The following CCBE1 variants were observed in gnomAD, a reference collection of about 807,000 sequenced individuals.
CCBE1 encodes collagen and calcium binding EGF domains 1, also known as collagen and calcium-binding EGF domain-containing protein 1.
A neutral mutation model predicts 50.0 loss-of-function variants in CCBE1; 37 were observed. That is an observed-to-expected ratio of 0.74 (90% CI 0.57 to 0.97). The LOEUF (loss-of-function observed/expected upper bound fraction) is 0.97. CCBE1 is among the 50% of genes least tolerant of loss of function. The pLI, the probability that CCBE1 is intolerant of heterozygous loss-of-function variation, is 0.00. For synonymous variants in CCBE1, 234 were observed against 203.7 expected (o/e 1.15, Z -1.27); for missense variants, 538 against 523.8 (o/e 1.03, Z -0.26).
At chr18:59,635,342 A>G (rs956509421) in intron 2 of CCBE1, among the ~76,000 whole-genome samples, 1 of 152,218 alleles carries the variant, frequency 6.6e-6, no homozygotes, top group Non-Finnish European at 1.5e-5. Flanking sequence ...GTATGTCACC[A>G]TAGGACTTGC....
chr18:59,451,760 T>C (rs1910942883), intron 6 of CCBE1, among the ~76,000 whole-genome samples: 1 of 152,124 alleles, frequency 6.6e-6, no homozygotes, highest in East Asian at 1.9e-4. Flanking sequence ...TGGCACACAT[T>C]TACCTGTGTA....
intron 2 of CCBE1, among the ~76,000 whole-genome samples, chr18:59,483,317 C>A (rs1231736094): frequency 6.6e-6 from 1 of 152,160 alleles, no homozygotes; most frequent in Non-Finnish European, 1.5e-5. Context: ...GGTTGAGTAA[C>A]CCTCATCTGA....
intron 2 of CCBE1, among the ~76,000 whole-genome samples, chr18:59,556,030 T>C (rs2052651421): frequency 6.6e-6 from 1 of 152,186 alleles, no homozygotes; most frequent in South Asian, 2.1e-4. Context: ...TTTTTCAGGA[T>C]TCGTGCAGAA....
At chr18:59,648,316 C>T (rs796377151) in intron 2 of CCBE1, among the ~76,000 whole-genome samples, 48 of 152,352 alleles carry the variant, frequency 3.2e-4, no homozygotes, top group African/African-American at 1.1e-3. Context: ...GACCTGGATA[C>T]ATAAATGCTT....
chr18:59,568,181 T>C (rs2052858097), intron 2 of CCBE1: 1 of 151,856 alleles, frequency 6.6e-6, no homozygotes, highest in Non-Finnish European at 1.5e-5. Context: ...ATTTTTTTTT[T>C]TTTGGCAGAA....
chr18:59,445,832 T>C (rs1910643590), intron 7 of CCBE1, among the ~76,000 whole-genome samples: 1 of 152,150 alleles, frequency 6.6e-6, no homozygotes, highest in African/African-American at 2.4e-5. Context: ...TCAAGTGCCT[T>C]TGAAATGTGG....
intron 5 of CCBE1, among the ~76,000 whole-genome samples, chr18:59,456,477 G>A (rs996504571): frequency 1.3e-5 from 2 of 152,188 alleles, no homozygotes; most frequent in South Asian, 2.1e-4. Flanking sequence ...GAAGGCAGAG[G>A]TGAGAGGCAG....
intron 10 of CCBE1, among the ~76,000 whole-genome samples, chr18:59,436,666 C>T (rs1023555732): frequency 5.9e-5 from 9 of 152,222 alleles, no homozygotes; most frequent in South Asian, 2.1e-4. Flanking sequence ...GAGCATAATA[C>T]GTATTCAAAA....
intron 2 of CCBE1, among the ~76,000 whole-genome samples, chr18:59,652,290 G>A (rs1387250753): frequency 1.3e-5 from 2 of 152,110 alleles, no homozygotes; most frequent in Admixed American, 1.3e-4. Context: ...GAAAAACTCA[G>A]CCAACTCATG....
At chr18:59,516,062 G>A (rs1332227488) in intron 2 of CCBE1, among the ~76,000 whole-genome samples, 2 of 152,098 alleles carry the variant, frequency 1.3e-5, no homozygotes, top group African/African-American at 4.8e-5. Flanking sequence ...GGGTTCAAGC[G>A]ATTCTTTTGC....
rs75573338 is a variant in CCBE1 at position 59,594,127 on chromosome 18, A to C, written c.212+102502T>G. On this transcript the variant is annotated intron_variant, in intron 2 of 10. Transcript: ENST00000439986. ...TCTCTCTCCTTCTATGGTTCTTGCC[A>C]TCTTGGGGCCCCCAAAACCAAGGCA... is the stretch of plus-strand genomic sequence containing the variant. Among the ~76,000 whole-genome samples the C allele has an allele frequency of 1.0e-2, 1,523 of 152,330 alleles. 33 individuals are homozygous for C. The highest frequency in any genetic ancestry group is 0.036 in the African/African-American group (1,476 of 41,562).
At chr18:59,583,673 G>T (rs1000341252) in intron 2 of CCBE1, among the ~76,000 whole-genome samples, 71 of 88,870 alleles carry the variant, frequency 8.0e-4, no homozygotes, top group African/African-American at 3.4e-3. Flanking sequence ...GTGTGTGTGT[G>T]TGTGTGTGCG....
At position 59,684,491 on chromosome 18, in the gene CCBE1, G is replaced by A. The variant is rs138732741; in HGVS notation, c.212+12138C>T. ...ATTACTATAATATCCTCAGTAATAG[G>A]TTGCCACGCTCAAACTAGCAAGCTC... On this transcript the variant is annotated intron_variant, in intron 2 of 10. Transcript: ENST00000439986. Among the ~76,000 whole-genome samples the A allele has an allele frequency of 1.6e-3, 237 of 152,254 alleles. 2 individuals are homozygous for A. The highest frequency in any genetic ancestry group is 5.5e-3 in the African/African-American group (228 of 41,556).
chr18:59,587,109 C>T (rs2053189411), intron 2 of CCBE1, among the ~76,000 whole-genome samples: 2 of 152,188 alleles, frequency 1.3e-5, no homozygotes, highest in Admixed American at 1.3e-4. Context: ...GTAAGTTCTA[C>T]CAATGTGCAC....
At chr18:59,531,410 G>C (rs904137113) in intron 2 of CCBE1, among the ~76,000 whole-genome samples, 5 of 151,900 alleles carry the variant, frequency 3.3e-5, no homozygotes, top group African/African-American at 1.2e-4. Flanking sequence ...TTATTAGAAA[G>C]AATAACAGAA....
chr18:59,501,492 C>T (rs688137), intron 2 of CCBE1, among the ~76,000 whole-genome samples: 30 of 152,108 alleles, frequency 2.0e-4, no homozygotes, highest in South Asian at 8.3e-4. Flanking sequence ...TGGAAGGGAA[C>T]GTCTTCAAGT....
chr18:59,549,409 C>G (rs1915832369), intron 2 of CCBE1, among the ~76,000 whole-genome samples: 1 of 152,156 alleles, frequency 6.6e-6, no homozygotes, highest in African/African-American at 2.4e-5. Flanking sequence ...GAGCACCCCA[C>G]CAAGGGCTAT....
At chr18:59,582,388 T>C (rs2053098525) in intron 2 of CCBE1, among the ~76,000 whole-genome samples, 1 of 152,236 alleles carries the variant, frequency 6.6e-6, no homozygotes, top group African/African-American at 2.4e-5. Context: ...GAGGCTTTAC[T>C]CAGCTGAGCA....
chr18:59,693,068 G>GT (rs1344628101), intron 2 of CCBE1, among the ~76,000 whole-genome samples: 38 of 152,030 alleles, frequency 2.5e-4, no homozygotes, highest in African/African-American at 9.2e-4. Context: ...ATGGCAGTCA[G>GT]TTGGAGCGAG....
Sources: allele counts gnomAD v4.1 joint callset (sites outside exome capture counted in the v4.1 genomes callset), GRCh38; gene constraint gnomAD v4.1.1; transcripts MANE v1.5; gene names NCBI Gene and HGNC (gene_info 2026-07-23, HGNC 2026-07-21).